Variants in SMARCC1 observed in about 807,000 individuals in gnomAD.
SMARCC1 encodes SWI/SNF complex subunit SMARCC1.
Under a neutral mutation model 147.4 loss-of-function variants are expected in SMARCC1, and 43 were observed. The ratio of observed to expected loss-of-function variants is 0.29; its 90% CI spans 0.23 to 0.38. SMARCC1 has a LOEUF of 0.38. Ranked by LOEUF, SMARCC1 falls within the 10% of genes least tolerant of loss-of-function variation. The pLI is 1.00. For synonymous variants in SMARCC1, 495 were observed against 484.4 expected (o/e 1.02, Z -0.29); for missense variants, 1,119 against 1,381.1 (o/e 0.81, Z 3.01).
At chr3:47,691,170 G>A (rs2033785073) in intron 12 of SMARCC1, among the ~76,000 whole-genome samples, 1 of 152,030 alleles carries the variant, frequency 6.6e-6, no homozygotes, top group African/African-American at 2.4e-5. Flanking sequence ...TTATTGAATG[G>A]TAATATTCAA....
intron 26 of SMARCC1, among the ~76,000 whole-genome samples, chr3:47,602,002 G>A (rs2032394811): frequency 6.6e-6 from 1 of 151,870 alleles, no homozygotes; most frequent in South Asian, 2.1e-4. Context: ...GCCCGGCCAG[G>A]CTATTGCTTT....
At chr3:47,741,099 TAGA>T (rs1470528031) in intron 3 of SMARCC1, among the ~76,000 whole-genome samples, 5 of 151,942 alleles carry the variant, frequency 3.3e-5, no homozygotes, top group African/African-American at 1.2e-4. Flanking sequence ...ACAAGAAATT[TAGA>T]AGACCATGTT....
At chr3:47,667,145 G>A (rs1378919656) in intron 19 of SMARCC1, among the ~76,000 whole-genome samples, 7 of 151,914 alleles carry the variant, frequency 4.6e-5, no homozygotes, top group African/African-American at 1.5e-4. Flanking sequence ...GTGAAACCTC[G>A]TCTCTACTAA....
intron 4 of SMARCC1, among the ~76,000 whole-genome samples, chr3:47,736,716 A>T (rs1272333225): frequency 6.6e-6 from 1 of 152,012 alleles, no homozygotes; most frequent in Admixed American, 6.6e-5. Context: ...TAAATAAAAA[A>T]AATAAAAAAT....
intron 18 of SMARCC1, among the ~76,000 whole-genome samples, chr3:47,671,775 T>G (rs2033505665): frequency 6.6e-6 from 1 of 152,214 alleles, no homozygotes; most frequent in Admixed American, 6.5e-5. Context: ...CTAACATATT[T>G]CCCTCTCTCA....
At chr3:47,734,156 G>A (rs1369924028) in intron 5 of SMARCC1, among the ~76,000 whole-genome samples, 1 of 152,100 alleles carries the variant, frequency 6.6e-6, no homozygotes, top group East Asian at 1.9e-4. Flanking sequence ...GCAAGAAACA[G>A]CAGGTTAATT....
In SMARCC1 at chr3:47,693,310, G is replaced by GA. The variant is rs145838606; in HGVS notation, c.1166-11dup. 84 of 1,475,504 alleles carry GA rather than the reference G, an allele frequency of 5.7e-5. No homozygotes were observed. The highest frequency in any genetic ancestry group is 1.7e-4 in the Middle Eastern group (1 of 5,778). The allele number at this position is 1,475,504 out of a possible 1,614,324, so 91.4% of individuals were successfully genotyped here. ...TCTTTCTTTAGGTTCACTAGAAAAA[G>GA]AAAAAAAAGAGTTATGTTTATGTGG... On this transcript the variant is annotated splice_polypyrimidine_tract_variant and intron_variant, in intron 11 of 27. Transcript: ENST00000254480.
intron 2 of SMARCC1, among the ~76,000 whole-genome samples, chr3:47,762,530 C>T (rs531039152): frequency 1.3e-5 from 2 of 152,350 alleles, no homozygotes; most frequent in East Asian, 3.9e-4. Flanking sequence ...TTCAATCACA[C>T]CACCACATTT....
chr3:47,620,164 T>C (rs1294289110), intron 25 of SMARCC1, among the ~76,000 whole-genome samples: 1 of 152,170 alleles, frequency 6.6e-6, no homozygotes, highest in African/African-American at 2.4e-5. Context: ...GTCAACTCAT[T>C]ACAAAAATTT....
At chr3:47,755,318 A>G (rs541849782) in intron 2 of SMARCC1, among the ~76,000 whole-genome samples, 30 of 147,254 alleles carry the variant, frequency 2.0e-4, no homozygotes, top group Non-Finnish European at 3.6e-4. Context: ...CTGGCTAACA[A>G]GGTGAAACCC....
intron 10 of SMARCC1, among the ~76,000 whole-genome samples, chr3:47,703,770 T>A (rs1391168936): frequency 6.6e-6 from 1 of 152,102 alleles, no homozygotes; most frequent in Non-Finnish European, 1.5e-5. Context: ...AAAGGAAAAT[T>A]TTTTTCCAAA....
rs2032098122 is a variant in SMARCC1 at position 47,587,866 on chromosome 3, G to C, written c.*343C>G. The C allele has an allele frequency of 3.9e-6, 1 of 254,006 alleles. No homozygotes were observed. The highest frequency in any genetic ancestry group is 5.0e-5 in the Admixed American group (1 of 19,832). 15.7% of individuals were successfully genotyped at this position (254,006 alleles called of 1,614,324 possible). A position where few individuals can be genotyped will look rare whatever the true frequency, so the allele number is the denominator to read the frequency against. On this transcript the variant is annotated 3_prime_UTR_variant, in exon 28 of 28. Transcript: ENST00000254480. ...GAAGCATAAGACAAAGCAAAAAACT[G>C]CAAGAGAGCAAAAATGGTAAAGACA...
intron 21 of SMARCC1, among the ~76,000 whole-genome samples, chr3:47,646,056 A>C (rs1303835209): frequency 6.6e-6 from 1 of 152,124 alleles, no homozygotes; most frequent in Non-Finnish European, 1.5e-5. Context: ...GTGGTGGCTC[A>C]CACCTGTAAC....
chr3:47,708,208 C>T (rs2034040338), intron 9 of SMARCC1, among the ~76,000 whole-genome samples: 2 of 138,914 alleles, frequency 1.4e-5, no homozygotes, highest in Non-Finnish European at 1.5e-5. Context: ...CAAGTGATTA[C>T]GGATCACTGA....
At chr3:47,642,346 T>C (rs560647233) in intron 21 of SMARCC1, among the ~76,000 whole-genome samples, 2 of 152,228 alleles carry the variant, frequency 1.3e-5, no homozygotes, top group African/African-American at 4.8e-5. Flanking sequence ...TCCCAACACT[T>C]TGGGAGGCCA....
chr3:47,674,544 C>T (rs2033544592), intron 18 of SMARCC1, among the ~76,000 whole-genome samples: 1 of 152,062 alleles, frequency 6.6e-6, no homozygotes, highest in African/African-American at 2.4e-5. Flanking sequence ...TCTACCCTCG[C>T]CCCCACCCTC....
chr3:47,699,114 A>G (rs2033887799), intron 11 of SMARCC1, among the ~76,000 whole-genome samples: 1 of 152,210 alleles, frequency 6.6e-6, no homozygotes, highest in African/African-American at 2.4e-5. Flanking sequence ...CACATTTGCA[A>G]CACTAATATA....
chr3:47,628,959 A>G (rs2032849985), intron 24 of SMARCC1, among the ~76,000 whole-genome samples: 1 of 152,252 alleles, frequency 6.6e-6, no homozygotes, highest in African/African-American at 2.4e-5. Flanking sequence ...ACAGCCAATC[A>G]CTGCAAAACT....
At chr3:47,609,996 T>A in intron 26 of SMARCC1, 70 bp downstream of exon 26, 1 of 1,514,582 alleles carries the variant, frequency 6.6e-7, no homozygotes, top group Non-Finnish European at 9.0e-7. Flanking sequence ...ACTGTGTGGT[T>A]GGCCCCAATG....
Sources: gnomAD v4.1 joint callset for allele counts (sites outside exome capture counted in the v4.1 genomes callset) on GRCh38, gnomAD v4.1.1 for gene constraint, MANE v1.5 for transcripts, NCBI Gene and HGNC (gene_info 2026-07-23, HGNC 2026-07-21) for gene names.